PRKCI: variants seen among roughly 807,000 people sequenced by gnomAD.
PRKCI encodes protein kinase C iota type.
Under a neutral mutation model 84.0 loss-of-function variants are expected in PRKCI, and 43 were observed. The observed-to-expected ratio is 0.51, with a 90% CI of 0.40 to 0.66. PRKCI has a LOEUF of 0.66. PRKCI is among the 30% of genes least tolerant of loss of function. The probability of loss-of-function intolerance (pLI) is 0.00; values close to 1 mark genes in which losing one functional copy is unlikely to be tolerated. For synonymous variants in PRKCI, 216 were observed against 234.4 expected (o/e 0.92, Z 0.72); for missense variants, 459 against 745.6 (o/e 0.62, Z 4.48).
rs72411481 is a variant in PRKCI, at chr3:170,247,730, C to CAAAAA, written c.224-12213_224-12209dup. On this transcript the variant is annotated intron_variant, in intron 2 of 17. Transcript: ENST00000295797. ...GGGCAACAAGAGCAAAACTCTGTCT[C>CAAAAA]AAAAAAAAAAAAAAAAAAAAAAAAA... Among the ~76,000 whole-genome samples, 14 of 27,908 alleles carry CAAAAA rather than the reference C, an allele frequency of 5.0e-4. 1 individual carries two copies. The highest frequency in any genetic ancestry group is 1.7e-3 in the African/African-American group (12 of 6,952). The allele number at this position is 27,908 out of a possible 152,430, so 18.3% of individuals were successfully genotyped here. A position where few individuals can be genotyped will look rare whatever the true frequency, so the allele number is the denominator to read the frequency against.
chr3:170,251,420 A>G (rs1733440364), intron 2 of PRKCI, among the ~76,000 whole-genome samples: 1 of 152,226 alleles, frequency 6.6e-6, no homozygotes, highest in Non-Finnish European at 1.5e-5. Context: ...AACATTTACA[A>G]CAAAGGATTA....
chr3:170,252,549 T>A (rs897287665), intron 2 of PRKCI, among the ~76,000 whole-genome samples: 1 of 152,146 alleles, frequency 6.6e-6, no homozygotes, highest in African/African-American at 2.4e-5. Context: ...TGACTGTAAT[T>A]ACCCTGTTGT....
intron 8 of PRKCI, among the ~76,000 whole-genome samples, chr3:170,277,069 C>T (rs1251667548): frequency 1.4e-5 from 2 of 143,054 alleles, no homozygotes; most frequent in Admixed American, 1.4e-4. Context: ...AGTGAAACCC[C>T]ATGTCTACTA....
chr3:170,284,617 A>G (rs755939470), intron 12 of PRKCI, 21 bp downstream of exon 12: 1 of 1,603,946 alleles, frequency 6.2e-7, no homozygotes, highest in Non-Finnish European at 8.5e-7. Flanking sequence ...TTTTCTAGTT[A>G]TTTTAAAAGG....
At chr3:170,224,467 TA>T (rs1305256034) in intron 1 of PRKCI, among the ~76,000 whole-genome samples, 1 of 151,908 alleles carries the variant, frequency 6.6e-6, no homozygotes, top group Non-Finnish European at 1.5e-5. Context: ...TTTTTTTTTT[TA>T]AACCCTTACC....
chr3:170,282,031 G>A, intron 11 of PRKCI, 63 bp downstream of exon 11: 2 of 1,544,406 alleles, frequency 1.3e-6, no homozygotes, highest in East Asian at 2.3e-5. Flanking sequence ...TTTATGTGCA[G>A]TGGTTGGAAA....
At chr3:170,245,954 T>TG (rs1553837904) in intron 2 of PRKCI, among the ~76,000 whole-genome samples, 1 of 121,308 alleles carries the variant, frequency 8.2e-6, no homozygotes, top group African/African-American at 3.2e-5. Flanking sequence ...TCTTTGTTTT[T>TG]TTTTTTTTTT....
At chr3:170,237,567 A>G (rs1733012214) in intron 2 of PRKCI, among the ~76,000 whole-genome samples, 2 of 152,182 alleles carry the variant, frequency 1.3e-5, no homozygotes, top group South Asian at 4.1e-4. Flanking sequence ...TAAATATACT[A>G]CTTTTTTTAC....
At chr3:170,281,798 C>A in intron 10 of PRKCI, 84 bp from the exon 11 acceptor site, 1 of 1,485,508 alleles carries the variant, frequency 6.7e-7, no homozygotes, top group South Asian at 1.5e-5. Flanking sequence ...AGAGAATGCT[C>A]TCTGTTGTGA....
intron 10 of PRKCI, 51 bp from the exon 11 acceptor site, chr3:170,281,831 A>G: frequency 6.5e-7 from 1 of 1,534,536 alleles, no homozygotes; most frequent in Middle Eastern, 1.8e-4. Context: ...ATGCAAAGTT[A>G]CACTACCTTA....
chr3:170,228,211 T>C (rs182031063), intron 1 of PRKCI, among the ~76,000 whole-genome samples: 1 of 152,310 alleles, frequency 6.6e-6, no homozygotes, highest in Admixed American at 6.5e-5. Flanking sequence ...TATGTAGGAA[T>C]GTGGCTGAGA....
In PRKCI at chr3:170,228,191, A is replaced by T. The variant is rs149513289; in HGVS notation, c.101+5421A>T. Among the ~76,000 whole-genome samples the T allele has an allele frequency of 1.9e-3, 295 of 152,348 alleles. 1 individual carries two copies. Among genetic ancestry groups the T allele is most frequent in the Middle Eastern group, 0.017 (5 of 294 alleles). ...CTCTGTGTTGCAAGCACTGTGCTTG[A>T]CAGCTAACCTATGTAGGAATGTGGC... On this transcript the variant is annotated intron_variant, in intron 1 of 17. Transcript: ENST00000295797.
intron 1 of PRKCI, among the ~76,000 whole-genome samples, chr3:170,228,741 G>T (rs1384323526): frequency 6.6e-6 from 1 of 151,900 alleles, no homozygotes; most frequent in African/African-American, 2.4e-5. Flanking sequence ...TACAAGTGCA[G>T]ATTTCTTTCT....
At chr3:170,268,117 C>A in intron 5 of PRKCI, 117 bp downstream of exon 5, 1 of 721,576 alleles carries the variant, frequency 1.4e-6, no homozygotes, top group Non-Finnish European at 2.2e-6. Flanking sequence ...ACATAAGTAG[C>A]ATGACCTTAC....
At chr3:170,246,171 G>A (rs555099715) in intron 2 of PRKCI, among the ~76,000 whole-genome samples, 1 of 151,638 alleles carries the variant, frequency 6.6e-6, no homozygotes, top group East Asian at 1.9e-4. Flanking sequence ...TGTCACCCAG[G>A]CTGTAGTGCT....
chr3:170,287,677 C>T (rs1378783337), intron 12 of PRKCI, among the ~76,000 whole-genome samples: 5 of 150,738 alleles, frequency 3.3e-5, no homozygotes, highest in Non-Finnish European at 1.5e-5. Context: ...TTGGGAGGCC[C>T]GGCAGGCAGA....
intron 4 of PRKCI, among the ~76,000 whole-genome samples, chr3:170,266,719 A>G (rs1193450318): frequency 1.3e-5 from 2 of 152,228 alleles, no homozygotes; most frequent in African/African-American, 2.4e-5. Flanking sequence ...GGGGCCTGGC[A>G]TGGTGGCCCA....
At chr3:170,243,017 A>G (rs545520312) in intron 2 of PRKCI, among the ~76,000 whole-genome samples, 83 of 152,232 alleles carry the variant, frequency 5.5e-4, no homozygotes, top group African/African-American at 1.9e-3. Context: ...GAAATTATTC[A>G]TGTTTTTAAT....
Position 170,254,369 on chromosome 3 carries a change from A to G in PRKCI, c.224-5600A>G, listed in dbSNP as rs150799838. On this transcript the variant is annotated intron_variant, in intron 2 of 17. Coordinates refer to ENST00000295797, the MANE Select transcript of PRKCI (RefSeq NM_002740.6). ...TGTGATTGCGGGGTGCTACTCAAGA[A>G]TTACTTGCCTGGACCAGTGTCATGG... Among the ~76,000 whole-genome samples the G allele has an allele frequency of 3.0e-3, 460 of 152,278 alleles. 1 individual carries two copies. Among genetic ancestry groups the G allele is most frequent in the Non-Finnish European group, 4.6e-3 (316 of 68,010 alleles).
Sources: gnomAD v4.1 joint callset for allele counts (sites outside exome capture counted in the v4.1 genomes callset) on GRCh38, gnomAD v4.1.1 for gene constraint, MANE v1.5 for transcripts, NCBI Gene and HGNC (gene_info 2026-07-23, HGNC 2026-07-21) for gene names.